Variants in SNX8 observed in about 807,000 individuals in gnomAD.
SNX8 encodes sorting nexin 8.
A neutral mutation model predicts 51.6 loss-of-function variants in SNX8; 25 were observed. The observed-to-expected ratio is 0.48, with a 90% CI of 0.35 to 0.68. The LOEUF (loss-of-function observed/expected upper bound fraction) is 0.68. Ranked by LOEUF, SNX8 falls within the 30% of genes least tolerant of loss-of-function variation. SNX8 has a pLI of 0.00. For synonymous variants in SNX8, 324 were observed against 277.0 expected, an observed-to-expected ratio of 1.17 and a Z score of -1.68; for missense variants, 695 against 624.0, an observed-to-expected ratio of 1.11 and a Z score of -1.21.
At chr7:2,264,129 T>C (rs1243548741) in intron 6 of SNX8, among the ~76,000 whole-genome samples, 169 bp downstream of exon 6, 1 of 152,126 alleles carries the variant, frequency 6.6e-6, no homozygotes, top group African/African-American at 2.4e-5. Flanking sequence ...CTCCCGTGTT[T>C]CTTCCAAATA....
chr7:2,268,229 C>T (rs533616132), intron 5 of SNX8, among the ~76,000 whole-genome samples: 3,354 of 141,728 alleles, frequency 0.024, 60 homozygotes, highest in Non-Finnish European at 0.038. Flanking sequence ...CTCTGCCCGG[C>T]GAGACCCCGT....
At chr7:2,314,159 G>A (rs930591698) in intron 1 of SNX8, among the ~76,000 whole-genome samples, 169 bp downstream of exon 1, 1 of 152,204 alleles carries the variant, frequency 6.6e-6, no homozygotes, top group South Asian at 2.1e-4. Flanking sequence ...AAGGACAGGC[G>A]CGCAGGAGGG....
At chr7:2,307,047 A>C (rs942654183) in intron 1 of SNX8, among the ~76,000 whole-genome samples, 1 of 152,112 alleles carries the variant, frequency 6.6e-6, no homozygotes, top group African/African-American at 2.4e-5. Context: ...ATAGGGAGCT[A>C]AAAAGACCCC....
intron 1 of SNX8, among the ~76,000 whole-genome samples, chr7:2,339,377 T>A (rs1024871725): frequency 7.9e-5 from 12 of 151,906 alleles, no homozygotes; most frequent in African/African-American, 2.7e-4. Flanking sequence ...AGCTAATTTT[T>A]TTTTTTTAAT....
rs1000325305 is a variant in SNX8 at position 2,257,091 on chromosome 7, C to T, written c.1135-68G>A. The T allele has an allele frequency of 5.0e-5, 74 of 1,490,368 alleles. 1 individual carries two copies. Among genetic ancestry groups the T allele is most frequent in the Admixed American group, 1.9e-4 (9 of 47,860 alleles). The allele number at this position is 1,490,368 out of a possible 1,614,324, so 92.3% of individuals were successfully genotyped here. On this transcript the variant is annotated intron_variant, in intron 9 of 10. Coordinates refer to ENST00000222990, the MANE Select transcript of SNX8 (RefSeq NM_013321.4). ...GACGGGAGCACCAAGGCCCGAACAC[C>T]AGCGTGCTCCCTGAGCCAGGGCGGC... is the stretch of plus-strand genomic sequence containing the variant.
At chr7:2,280,258 GT>G (rs1795879958) in intron 1 of SNX8, among the ~76,000 whole-genome samples, 1 of 152,064 alleles carries the variant, frequency 6.6e-6, no homozygotes. Context: ...AAGGAATAAT[GT>G]TTAAAAAGTC....
intron 1 of SNX8, among the ~76,000 whole-genome samples, chr7:2,293,451 C>A (rs919543391): frequency 6.6e-6 from 1 of 151,324 alleles, no homozygotes; most frequent in Admixed American, 6.6e-5. Flanking sequence ...GTCAGGAGAT[C>A]GAGACCACCC....
intron 1 of SNX8, among the ~76,000 whole-genome samples, chr7:2,296,044 G>A (rs1334107982): frequency 6.6e-6 from 1 of 152,116 alleles, no homozygotes; most frequent in Non-Finnish European, 1.5e-5. Flanking sequence ...TTTTGCTTAG[G>A]ATTGCTTTGC....
At chr7:2,283,260 C>T (rs985044365) in intron 1 of SNX8, among the ~76,000 whole-genome samples, 4 of 152,252 alleles carry the variant, frequency 2.6e-5, no homozygotes, top group African/African-American at 9.6e-5. Context: ...GCAGGTGGCA[C>T]GGGACAGACA....
At chr7:2,261,516 G>A (rs1227268528) in intron 7 of SNX8, among the ~76,000 whole-genome samples, 1 of 152,238 alleles carries the variant, frequency 6.6e-6, no homozygotes, top group Non-Finnish European at 1.5e-5. Context: ...ACTGAGGCCT[G>A]GAGACCAGAA....
chr7:2,294,349 T>C (rs1796223846), intron 1 of SNX8, among the ~76,000 whole-genome samples: 1 of 152,128 alleles, frequency 6.6e-6, no homozygotes, highest in East Asian at 1.9e-4. Flanking sequence ...ACAATGGCTA[T>C]AATCACAAAG....
chr7:2,259,627 CCA>C (rs2115094657), intron 7 of SNX8, among the ~76,000 whole-genome samples: 1 of 152,336 alleles, frequency 6.6e-6, no homozygotes, highest in South Asian at 2.1e-4. Context: ...GCCACCAACC[CCA>C]CACCCAAAGC....
At chr7:2,318,823 GC>G (rs1253181712), upstream of SNX8, among the ~76,000 whole-genome samples, 6 of 149,826 alleles carry the variant, frequency 4.0e-5, no homozygotes, top group African/African-American at 1.5e-4. Flanking sequence ...ACCAACCTGG[GC>G]AACATAGTGA....
intron 1 of SNX8, among the ~76,000 whole-genome samples, chr7:2,289,616 G>C (rs1796106893): frequency 6.6e-6 from 1 of 151,868 alleles, no homozygotes; most frequent in Non-Finnish European, 1.5e-5. Context: ...CAAAAATTCT[G>C]TTTTTCTCTT....
intron 1 of SNX8, among the ~76,000 whole-genome samples, chr7:2,284,481 A>C (rs1452204558): frequency 7.4e-6 from 1 of 134,652 alleles, no homozygotes; most frequent in Non-Finnish European, 1.5e-5. Context: ...AGTTCACTGC[A>C]ATCTCCGCCT....
At chr7:2,257,058 C>A (rs1347682969) in intron 9 of SNX8, 35 bp from the exon 10 acceptor site, 1 of 1,567,412 alleles carries the variant, frequency 6.4e-7, no homozygotes, top group Non-Finnish European at 8.7e-7. Context: ...GCACCCGGCC[C>A]AGCCGGCGAC....
chr7:2,301,834 T>G (rs1796400011), intron 1 of SNX8, among the ~76,000 whole-genome samples: 1 of 152,188 alleles, frequency 6.6e-6, no homozygotes, highest in African/African-American at 2.4e-5. Context: ...ACCAAACCTC[T>G]GTATGCCTCA....
chr7:2,314,792 G>A (rs1339353099), upstream of SNX8, among the ~76,000 whole-genome samples: 2 of 152,202 alleles, frequency 1.3e-5, no homozygotes, highest in African/African-American at 4.8e-5. Context: ...CTCATTCACC[G>A]GTTACACTGG....
At chr7:2,271,444 C>T (rs1286132764) in intron 4 of SNX8, among the ~76,000 whole-genome samples, 1 of 152,338 alleles carries the variant, frequency 6.6e-6, no homozygotes, top group Admixed American at 6.5e-5. Context: ...AGTTAATTCC[C>T]GGATGCAGGT....
Sources: gnomAD v4.1 joint callset for allele counts (sites outside exome capture counted in the v4.1 genomes callset) on GRCh38, gnomAD v4.1.1 for gene constraint, MANE v1.5 for transcripts, NCBI Gene and HGNC (gene_info 2026-07-23, HGNC 2026-07-21) for gene names.